Variants in PIF1 observed in about 807,000 individuals in gnomAD.
PIF1 encodes ATP-dependent DNA helicase PIF1.
PIF1 carries 67 observed loss-of-function variants against 62.3 expected under a neutral mutation model. The observed-to-expected ratio is 1.08, with a 90% confidence interval of 0.88 to 1.32. The LOEUF (loss-of-function observed/expected upper bound fraction) is 1.32, where lower values mean the gene tolerates loss of function less well. PIF1 is among the 40% of genes most tolerant of loss of function. The pLI, the probability that PIF1 is intolerant of heterozygous loss-of-function variation, is 0.00. For synonymous variants in PIF1, 364 were observed against 379.5 expected (o/e 0.96, Z 0.47); for missense variants, 886 against 866.1 (o/e 1.02, Z -0.29).
chr15:64,819,087 C>T, intron 9 of PIF1, 30 bp downstream of exon 9: 2 of 1,532,174 alleles, frequency 1.3e-6, no homozygotes, highest in Non-Finnish European at 1.8e-6. Flanking sequence ...AGCCCAAGCT[C>T]CCAGGGGCTA....
intron 11 of PIF1, 101 bp downstream of exon 11, chr15:64,817,845 G>A: frequency 7.2e-7 from 1 of 1,386,754 alleles, no homozygotes; most frequent in Non-Finnish European, 9.7e-7. Context: ...GTGGGCGACA[G>A]AGCAAGACTC....
At chr15:64,816,448 A>G in intron 12 of PIF1, 91 bp from the exon 13 acceptor site, 1 of 1,600,198 alleles carries the variant, frequency 6.2e-7, no homozygotes, top group Non-Finnish European at 8.5e-7. Flanking sequence ...TTTTGCCCTC[A>G]CCCCTAAAGG....
chr15:64,817,960 T>A lies in PIF1; in HGVS notation c.1660A>T (p.Ile554Phe). Residue 554 changes from isoleucine (I) to phenylalanine (F), a missense_variant, in exon 11 of 13, where the codon ATC becomes TTC. Physicochemically the swap from Ile to Phe is conservative, Grantham distance 21 (BLOSUM62 0). Coordinates refer to ENST00000559239, the MANE Select transcript of PIF1 (RefSeq NM_001286496.2). Reference sequence around the variant, plus strand: ...CCGGTGCTCACTTGGCTCTTGTGGATGGACATCGCCCAGGCCAGCTGGAGG... The same window carrying A: ...CCGGTGCTCACTTGGCTCTTGTGGAAGGACATCGCCCAGGCCAGCTGGAGG... Reference protein sequence around the residue: ...LPLQLAWAMSIHKSQGMTLDC... With the variant: ...LPLQLAWAMSFHKSQGMTLDC... 1 of 1,612,028 alleles carries A rather than the reference T, an allele frequency of 6.2e-7. No individual in the cohort carries two copies.
In PIF1 at chr15:64,816,093, C is replaced by T. The variant is rs2084176427; in HGVS notation, c.*205G>A. The T allele has an allele frequency of 1.9e-5, 27 of 1,452,852 alleles. 1 individual carries two copies. The South Asian group carries it at 3.8e-4, about 20-fold the overall frequency. The allele number at this position is 1,452,852 out of a possible 1,614,324, so 90.0% of individuals were successfully genotyped here. A position where few individuals can be genotyped will look rare whatever the true frequency, so the allele number is the denominator to read the frequency against. ...TGACCCTACAGCAGCTTACCCAGGGCAAAGTGAGAGAAACTGAAGCACAGC... is the reference window on the plus strand; with the variant it reads ...TGACCCTACAGCAGCTTACCCAGGGTAAAGTGAGAGAAACTGAAGCACAGC... On this transcript the variant is annotated 3_prime_UTR_variant, in exon 13 of 13. Coordinates refer to ENST00000559239, the MANE Select transcript of PIF1 (RefSeq NM_001286496.2).
intron 1 of PIF1, among the ~76,000 whole-genome samples, chr15:64,824,877 G>A (rs1280537402): frequency 6.9e-6 from 1 of 144,352 alleles, no homozygotes; most frequent in African/African-American, 2.7e-5. Flanking sequence ...ATGTGTGTGT[G>A]TGTGTGTATA....
intron 4 of PIF1, 43 bp from the exon 5 acceptor site, chr15:64,821,563 C>A (rs2141112613): frequency 5.4e-5 from 72 of 1,332,850 alleles, no homozygotes; most frequent in Non-Finnish European, 6.5e-5. Context: ...CCCAAAGCCT[C>A]TCTTTTTTTT....
intron 11 of PIF1, among the ~76,000 whole-genome samples, chr15:64,817,269 T>C (rs2084199794): frequency 6.6e-6 from 1 of 152,102 alleles, no homozygotes; most frequent in Non-Finnish European, 1.5e-5. Flanking sequence ...AAGTTTATTC[T>C]GGGCTGGGTG....
chr15:64,823,818 T>C lies in PIF1; in HGVS notation c.518A>G (p.Lys173Arg), dbSNP rs751570097. The C allele has an allele frequency of 1.5e-6, 2 of 1,356,000 alleles. No individual in the cohort carries two copies. Among genetic ancestry groups the C allele is most frequent in the Non-Finnish European group, 1.9e-6 (2 of 1,043,634 alleles). The allele number at this position is 1,356,000 out of a possible 1,614,324, so 84.0% of individuals were successfully genotyped here. ...CCCAGCCTGGGGCTCCACAGGCCGC[T>C]TCACCAGCGTAGTGTCCGGAACCCG... is the stretch of plus-strand genomic sequence containing the variant. ...ATRVPDTTLVKRPVEPQAGAE... is the reference protein window; with the variant it reads ...ATRVPDTTLVRRPVEPQAGAE... The change falls in exon 2 of 13, where the codon AAG becomes AGG. Residue 173 changes from lysine (K) to arginine (R), a missense_variant. Physicochemically the swap from Lys to Arg is conservative, Grantham distance 26 (BLOSUM62 2). Transcript: ENST00000559239.
chr15:64,819,323 T>C, intron 8 of PIF1, 100 bp from the exon 9 acceptor site: 2 of 863,112 alleles, frequency 2.3e-6, no homozygotes, highest in Non-Finnish European at 3.6e-6. Context: ...TTTAATTTTA[T>C]TTTTTGAGAA....
At position 64,821,350 on chromosome 15, in the gene PIF1, C is replaced by CCT; in HGVS notation, c.971+15_971+16dup. ...CCAGGTCCCAGTTCTCACCTGCTGC[C>CCT]CTCTGAACATACTGACCTGGCCACG... is the stretch of plus-strand genomic sequence containing the variant. On this transcript the variant is annotated intron_variant, in intron 5 of 12. Coordinates refer to ENST00000559239, the MANE Select transcript of PIF1 (RefSeq NM_001286496.2). 6.2e-7 allele frequency: 1 copy of CCT among 1,613,944 alleles called. No individual in the cohort carries two copies. The highest frequency in any genetic ancestry group is 8.5e-7 in the Non-Finnish European group (1 of 1,179,866).
At position 64,822,342 on chromosome 15, in the gene PIF1, G is replaced by T. The variant is rs759412115; in HGVS notation, c.741C>A (p.Pro247=). ...LLKRILGSLP[P]TGTVATASTG... ...TGCTGGCAGTGGCCACAGTGCCTGT[G>T]GGGGGCAGTGAGCCCAGGATTCGCT... Residue 247 remains proline (P), a synonymous_variant, in exon 4 of 13, where the codon CCC becomes CCA. Coordinates refer to ENST00000559239, the MANE Select transcript of PIF1 (RefSeq NM_001286496.2). 6.8e-6 allele frequency: 11 copies of T among 1,613,810 alleles called. No individual in the cohort carries two copies. Among genetic ancestry groups the T allele is most frequent in the Non-Finnish European group, 1.7e-6 (2 of 1,179,956 alleles).
intron 7 of PIF1, 97 bp from the exon 8 acceptor site, chr15:64,820,083 C>A: frequency 1.4e-6 from 2 of 1,462,136 alleles, no homozygotes; most frequent in Non-Finnish European, 1.8e-6. Context: ...ATGGGTCAGG[C>A]CTTGGGACTG....
chr15:64,815,715 C>G lies in PIF1; in HGVS notation c.*583G>C. 6.4e-7 allele frequency: 1 copy of G among 1,550,520 alleles called. No individual in the cohort carries two copies. On this transcript the variant is annotated 3_prime_UTR_variant, in exon 13 of 13. Coordinates refer to ENST00000559239, the MANE Select transcript of PIF1 (RefSeq NM_001286496.2). Reference sequence around the variant, plus strand: ...TTCAATGTCCCCAAACACTATTTATCCCCTGAAAAAGCAGCTTAAAATATG... The same window carrying G: ...TTCAATGTCCCCAAACACTATTTATGCCCTGAAAAAGCAGCTTAAAATATG...
intron 9 of PIF1, 53 bp downstream of exon 9, chr15:64,819,064 G>T: frequency 1.5e-6 from 2 of 1,373,388 alleles, no homozygotes; most frequent in Non-Finnish European, 2.0e-6. Context: ...GATCAGCAAG[G>T]CCCATGCGGG....
upstream of PIF1, among the ~76,000 whole-genome samples, chr15:64,826,665 T>TATATATGTACACAC (rs796684934): frequency 2.3e-5 from 1 of 42,792 alleles, no homozygotes; most frequent in African/African-American, 9.3e-5. Flanking sequence ...TATATATATA[T>TATATATGTACACAC]ACACACACAC....
At position 64,816,696 on chromosome 15, in the gene PIF1, G is replaced by A. The variant is rs1398512729; in HGVS notation, c.1744C>T (p.Leu582Phe). Residue 582 changes from leucine to phenylalanine, a missense_variant, in exon 12 of 13, where the codon CTT becomes TTT. By Grantham distance (22) the Leu-to-Phe change is conservative (BLOSUM62 0). Transcript: ENST00000559239. ...VFASGQAYVA[L>F]SRARSLQGLR... ...CCCTGCAGGCTGCGGGCCCGAGAAA[G>A]GGCCACATAGGCCTGGCCACTGGCA... The A allele has an allele frequency of 1.9e-6, 3 of 1,613,616 alleles. No homozygotes were observed. The highest frequency in any genetic ancestry group is 1.7e-5 in the Admixed American group (1 of 59,858).
Position 64,821,555 on chromosome 15 carries a change from C to T in PIF1, c.818-35G>A, listed in dbSNP as rs530620887. On this transcript the variant is annotated intron_variant, in intron 4 of 12. Coordinates refer to ENST00000559239, the MANE Select transcript of PIF1 (RefSeq NM_001286496.2). ...ACACTATTCAGCCTGGGCTAATACCCAAAGCCTCTCTTTTTTTTTTTTTTT... is the reference window on the plus strand; with the variant it reads ...ACACTATTCAGCCTGGGCTAATACCTAAAGCCTCTCTTTTTTTTTTTTTTT... The T allele has an allele frequency of 6.4e-5, 96 of 1,489,194 alleles. No homozygotes were observed. The South Asian group carries it at 1.2e-3, about 19-fold the overall frequency. 92.2% of individuals were successfully genotyped at this position (1,489,194 alleles called of 1,614,324 possible).
Position 64,816,744 on chromosome 15 carries a change from C to G in PIF1, c.1696G>C (p.Glu566Gln). Residue 566 changes from glutamate (E) to glutamine (Q), a missense_variant, in exon 12 of 13, where the codon GAG (glutamate) becomes CAG (glutamine). Coordinates refer to ENST00000559239, the MANE Select transcript of PIF1 (RefSeq NM_001286496.2). ...KSQGMTLDCV[E>Q]ISLGRVFASG... ...GCAAACACACGGCCCAGAGAAATCT[C>G]CACACAATCCAGGGTCATGCCCTGG... is the stretch of plus-strand genomic sequence containing the variant. 1 of 1,606,956 alleles carries G rather than the reference C, an allele frequency of 6.2e-7. No homozygotes were observed. The highest frequency in any genetic ancestry group is 8.5e-7 in the Non-Finnish European group (1 of 1,177,102).
In PIF1 at chr15:64,818,650, A is replaced by C. The variant is rs2084232720; in HGVS notation, c.1441-306T>G. On this transcript the variant is annotated intron_variant, in intron 9 of 12. Coordinates refer to ENST00000559239, the MANE Select transcript of PIF1 (RefSeq NM_001286496.2). ...AAATGATTGGCTTGGTTATAGGTACATCTGTGGACCACAGATCTTGAGGGA... is the reference window on the plus strand; with the variant it reads ...AAATGATTGGCTTGGTTATAGGTACCTCTGTGGACCACAGATCTTGAGGGA... The C allele has an allele frequency of 2.0e-5, 8 of 391,182 alleles. No individual in the cohort carries two copies. The Admixed American group carries it at 3.5e-4, about 17-fold the overall frequency. 24.2% of individuals were successfully genotyped at this position (391,182 alleles called of 1,614,324 possible).
Sources: allele counts gnomAD v4.1 joint callset (sites outside exome capture counted in the v4.1 genomes callset), GRCh38; gene constraint gnomAD v4.1.1; transcripts MANE v1.5; gene names NCBI Gene and HGNC (gene_info 2026-07-23, HGNC 2026-07-21).